Variants in REPS2 observed in about 807,000 individuals in gnomAD.
REPS2 encodes RALBP1 associated Eps domain containing 2.
A neutral mutation model predicts 53.6 loss-of-function variants in REPS2; 23 were observed. That is an observed-to-expected ratio of 0.43 (90% CI 0.31 to 0.61). REPS2 has a LOEUF of 0.61. Among genes scored for constraint, REPS2 ranks in the 20% least tolerant of loss-of-function variants. REPS2 has a pLI of 0.11. For missense variants in REPS2, 446 were observed against 534.9 expected (o/e 0.83, Z 1.64); for synonymous variants, 238 against 218.6 (o/e 1.09, Z -0.78).
intron 1 of REPS2, among the ~76,000 whole-genome samples, chrX:17,002,508 C>T (rs1426672244): frequency 8.9e-6 from 1 of 111,866 alleles, no homozygotes; most frequent in Non-Finnish European, 1.9e-5. Context: ...GAGTAGCTCA[C>T]CCATGTCCCT....
chrX:17,050,569 G>C (rs1457088369), intron 6 of REPS2, among the ~76,000 whole-genome samples: 10 of 111,415 alleles, frequency 9.0e-5, no homozygotes, highest in African/African-American at 2.9e-4. Flanking sequence ...GTTTGTGTAA[G>C]TACACCCTGT....
intron 1 of REPS2, among the ~76,000 whole-genome samples, chrX:16,996,663 T>A (rs2061238610): frequency 8.9e-6 from 1 of 112,484 alleles, no homozygotes; most frequent in South Asian, 3.7e-4. Context: ...TTTAGCTCTG[T>A]GCTAGAGAAT....
At chrX:16,978,603 T>C in intron 1 of REPS2, 1 of 744,094 alleles carries the variant, frequency 1.3e-6, no homozygotes. Context: ...GTGGTGAAGG[T>C]AAGGCTTGGA....
At chrX:17,162,132 TG>T in the REPS2 span, among the ~76,000 whole-genome samples, 2 of 112,108 alleles carry the variant, frequency 1.8e-5, no homozygotes, top group South Asian at 7.3e-4. Context: ...AGAACAGAGT[TG>T]GAGCTCTTTC....
chrX:17,068,231 G>T (rs1569158501), intron 9 of REPS2, among the ~76,000 whole-genome samples, 171 bp from the exon 10 acceptor site: 2 of 110,385 alleles, frequency 1.8e-5, no homozygotes, highest in Admixed American at 9.6e-5. Flanking sequence ...GGAGAATGGT[G>T]TGAACCCGGG....
chrX:17,146,058 G>C (rs1485949244), intron 17 of REPS2, among the ~76,000 whole-genome samples: 1 of 105,961 alleles, frequency 9.4e-6, no homozygotes, highest in South Asian at 4.5e-4. Context: ...GCAGTGAGCC[G>C]AGATCGCGCC....
intron 17 of REPS2, among the ~76,000 whole-genome samples, chrX:17,145,524 T>C (rs2063501055): frequency 9.0e-6 from 1 of 111,675 alleles, no homozygotes; most frequent in Non-Finnish European, 1.9e-5. Flanking sequence ...ACTTTCTTCA[T>C]ACAAAAATCC....
intron 13 of REPS2, among the ~76,000 whole-genome samples, chrX:17,087,275 C>G (rs1384429983): frequency 8.9e-6 from 1 of 112,054 alleles, no homozygotes; most frequent in Non-Finnish European, 1.9e-5. Flanking sequence ...TCAGGACCTA[C>G]TATGTAATCA....
intron 14 of REPS2, among the ~76,000 whole-genome samples, chrX:17,107,743 T>A (rs1362976036): frequency 8.9e-6 from 1 of 111,877 alleles, no homozygotes; most frequent in African/African-American, 3.3e-5. Flanking sequence ...ATATACAAAA[T>A]TAAGTAGTTT....
the REPS2 span, among the ~76,000 whole-genome samples, chrX:17,177,011 T>C: frequency 1.8e-5 from 2 of 112,309 alleles, no homozygotes; most frequent in Non-Finnish European, 3.8e-5. Context: ...AGGGAAATGA[T>C]GAGTTTCACA....
At chrX:17,128,887 A>G (rs751014940) in intron 14 of REPS2, among the ~76,000 whole-genome samples, 2 of 112,754 alleles carry the variant, frequency 1.8e-5, no homozygotes, top group Non-Finnish European at 3.7e-5. Flanking sequence ...TATTTTTAAA[A>G]GGAACTTTAG....
At chrX:17,043,997 G>A (rs1482685410) in intron 5 of REPS2, among the ~76,000 whole-genome samples, 3 of 112,508 alleles carry the variant, frequency 2.7e-5, no homozygotes, top group African/African-American at 6.5e-5. Context: ...GCTGGGGTGC[G>A]AGGCTTCTGA....
At chrX:17,044,858 G>T (rs2061884368) in intron 5 of REPS2, among the ~76,000 whole-genome samples, 1 of 112,198 alleles carries the variant, frequency 8.9e-6, no homozygotes, top group Admixed American at 9.4e-5. Flanking sequence ...CTGGAATTTG[G>T]TGGGAGTATT....
chrX:17,093,200 A>AT (rs61196590), intron 13 of REPS2, among the ~76,000 whole-genome samples: 2,184 of 14,752 alleles, frequency 0.15, 110 homozygotes, highest in Middle Eastern at 0.4. Flanking sequence ...ATATATATAT[A>AT]ATTTTTTTTT....
chrX:17,043,874 G>A (rs1311101559), intron 5 of REPS2, among the ~76,000 whole-genome samples: 1 of 112,480 alleles, frequency 8.9e-6, no homozygotes, highest in Admixed American at 9.4e-5. Flanking sequence ...CATGGCCGTG[G>A]GTACGGCAGG....
In REPS2 at chrX:17,099,430, G is replaced by A. The variant is rs756046372; in HGVS notation, c.1517-4288G>A. On this transcript the variant is annotated intron_variant, in intron 13 of 17. Coordinates refer to ENST00000357277, the MANE Select transcript of REPS2 (RefSeq NM_004726.3). Reference sequence around the variant, plus strand: ...AACACTATTGGGAAGAAAGTTGTGCGTTGCGGAGATGCTCTTTGATTATCT... The same window carrying A: ...AACACTATTGGGAAGAAAGTTGTGCATTGCGGAGATGCTCTTTGATTATCT... Among the ~76,000 whole-genome samples the A allele has an allele frequency of 1.3e-4, 14 of 111,517 alleles. No homozygotes were observed. In the South Asian group the frequency reaches 2.3e-3, roughly 18 times the overall value.
At chrX:16,950,173 T>C (rs1172085056) in intron 1 of REPS2, among the ~76,000 whole-genome samples, 1 of 111,259 alleles carries the variant, frequency 9.0e-6, no homozygotes, top group Non-Finnish European at 1.9e-5. Context: ...CATGTAGTAC[T>C]ATGCACTTAA....
intron 1 of REPS2, among the ~76,000 whole-genome samples, chrX:16,998,679 C>G (rs138307494): frequency 1.9e-4 from 21 of 111,535 alleles, no homozygotes; most frequent in African/African-American, 6.2e-4. Context: ...GGCTAGCATC[C>G]GGGTGCCCAG....
chrX:17,156,848 C>T (rs1231990401), downstream of REPS2, among the ~76,000 whole-genome samples: 1 of 111,915 alleles, frequency 8.9e-6, no homozygotes, highest in Non-Finnish European at 1.9e-5. Context: ...GAACTTCAAC[C>T]CATGTGTGCT....
Sources: allele counts gnomAD v4.1 joint callset (sites outside exome capture counted in the v4.1 genomes callset), GRCh38; gene constraint gnomAD v4.1.1; transcripts MANE v1.5; gene names NCBI Gene and HGNC (gene_info 2026-07-23, HGNC 2026-07-21).